AGBL4: variants seen among roughly 807,000 people sequenced by gnomAD.
AGBL4 encodes AGBL carboxypeptidase 4, also known as cytosolic carboxypeptidase 6.
In AGBL4, 58 loss-of-function variants were observed where a neutral mutation model predicts 66.4. That is an observed-to-expected ratio of 0.87 (90% CI 0.71 to 1.09). The LOEUF (loss-of-function observed/expected upper bound fraction) is 1.09. Ranked by LOEUF, AGBL4 falls within the 50% of genes least tolerant of loss-of-function variation. The pLI, the probability that AGBL4 is intolerant of heterozygous loss-of-function variation, is 0.00. For synonymous variants in AGBL4, 234 were observed against 222.9 expected (o/e 1.05, Z -0.44); for missense variants, 579 against 631.0 (o/e 0.92, Z 0.88).
intron 2 of AGBL4, among the ~76,000 whole-genome samples, chr1:49,764,023 G>A (rs1012612260): frequency 1.3e-5 from 2 of 151,996 alleles, no homozygotes; most frequent in Admixed American, 6.6e-5. Context: ...TCACAGTTCT[G>A]TGTTCCTCTG....
At chr1:49,233,587 T>C (rs1041585199) in intron 4 of AGBL4, among the ~76,000 whole-genome samples, 1 of 152,190 alleles carries the variant, frequency 6.6e-6, no homozygotes, top group Non-Finnish European at 1.5e-5. Flanking sequence ...GAATTTGCAA[T>C]TGGAATTTTT....
intron 1 of AGBL4, among the ~76,000 whole-genome samples, chr1:49,921,244 A>T (rs1048182748): frequency 5.9e-5 from 9 of 152,044 alleles, no homozygotes; most frequent in African/African-American, 1.2e-4. Context: ...TATAACTTTT[A>T]AAAAAAAGAA....
At chr1:49,440,565 A>C (rs577257787) in intron 3 of AGBL4, among the ~76,000 whole-genome samples, 1 of 152,302 alleles carries the variant, frequency 6.6e-6, no homozygotes, top group African/African-American at 2.4e-5. Flanking sequence ...GTTGCTCCTA[A>C]GTTCAGTGGA....
chr1:49,671,053 G>A (rs1452578901), intron 3 of AGBL4, among the ~76,000 whole-genome samples: 1 of 152,130 alleles, frequency 6.6e-6, no homozygotes, highest in Non-Finnish European at 1.5e-5. Flanking sequence ...AAAGAACAAA[G>A]CTGGAGGAAT....
chr1:48,852,283 C>G (rs1647053314), intron 6 of AGBL4, among the ~76,000 whole-genome samples: 1 of 151,968 alleles, frequency 6.6e-6, no homozygotes, highest in African/African-American at 2.4e-5. Flanking sequence ...ATTCTTTTGT[C>G]CCAGTAGTAT....
At chr1:49,749,842 T>C (rs1342210571) in intron 2 of AGBL4, among the ~76,000 whole-genome samples, 2 of 152,150 alleles carry the variant, frequency 1.3e-5, no homozygotes, top group Non-Finnish European at 2.9e-5. Context: ...TCGTAGACAT[T>C]GATTATCTCA....
chr1:48,563,400 C>T (rs935902019), intron 11 of AGBL4, among the ~76,000 whole-genome samples: 8 of 152,122 alleles, frequency 5.3e-5, no homozygotes, highest in Non-Finnish European at 1.0e-4. Flanking sequence ...GGCCTCATCC[C>T]TGAGTCATTT....
At chr1:49,565,080 T>C (rs191869433) in intron 3 of AGBL4, among the ~76,000 whole-genome samples, 1 of 152,354 alleles carries the variant, frequency 6.6e-6, no homozygotes, top group East Asian at 1.9e-4. Flanking sequence ...TTGTCTCTTT[T>C]GATCTTTGTT....
chr1:49,470,256 T>C (rs928359222), intron 3 of AGBL4, among the ~76,000 whole-genome samples: 3 of 151,988 alleles, frequency 2.0e-5, no homozygotes, highest in Admixed American at 6.6e-5. Flanking sequence ...ATGTATACTA[T>C]AGATTTCTTG....
rs1443523845 is a variant in AGBL4 at position 49,961,102 on chromosome 1, TAGAA to T, written c.34+62657_34+62660del. On this transcript the variant is annotated intron_variant, in intron 1 of 13. Coordinates refer to ENST00000371839, the MANE Select transcript of AGBL4 (RefSeq NM_032785.4). The stretch of plus-strand genomic sequence containing the variant: ...CATCACCAAAGAGTTTTAGAGGCCA[TAGAA>T]AGATATAATTAGATATGCATATTGG... Among the ~76,000 whole-genome samples, 7 of 152,096 alleles carry T rather than the reference TAGAA, an allele frequency of 4.6e-5. No individual in the cohort carries two copies. The East Asian group carries it at 1.3e-3, about 29-fold the overall frequency.
intron 6 of AGBL4, among the ~76,000 whole-genome samples, chr1:48,771,166 T>C (rs1170537996): frequency 1.3e-5 from 2 of 152,190 alleles, no homozygotes. Flanking sequence ...TCAATACTTG[T>C]GGAACTTAAA....
chr1:49,835,340 T>C (rs182532705), intron 2 of AGBL4, among the ~76,000 whole-genome samples: 11 of 152,346 alleles, frequency 7.2e-5, no homozygotes, highest in Middle Eastern at 3.4e-3. Flanking sequence ...CTTCTTTGTC[T>C]TTTTTGATCT....
intron 2 of AGBL4, among the ~76,000 whole-genome samples, chr1:49,837,950 C>T (rs1645894124): frequency 6.6e-6 from 1 of 152,120 alleles, no homozygotes; most frequent in Admixed American, 6.6e-5. Context: ...AAGATCCAAC[C>T]CCACCATTTA....
chr1:49,367,714 A>G (rs1644266502), intron 3 of AGBL4, among the ~76,000 whole-genome samples: 1 of 152,176 alleles, frequency 6.6e-6, no homozygotes, highest in African/African-American at 2.4e-5. Flanking sequence ...CGGAGGAAGA[A>G]AAAAATGTTT....
At chr1:48,728,945 C>A (rs932450769) in intron 6 of AGBL4, among the ~76,000 whole-genome samples, 23 of 152,312 alleles carry the variant, frequency 1.5e-4, no homozygotes, top group African/African-American at 5.5e-4. Context: ...AGTACGGCCA[C>A]TCTCTTACTG....
At chr1:49,125,482 A>G (rs1335312383) in intron 4 of AGBL4, among the ~76,000 whole-genome samples, 1 of 152,136 alleles carries the variant, frequency 6.6e-6, no homozygotes, top group African/African-American at 2.4e-5. Context: ...TCGCAAGGAG[A>G]ACTAGGGCTG....
chr1:48,872,109 A>G (rs907937987), intron 5 of AGBL4, among the ~76,000 whole-genome samples: 8 of 152,182 alleles, frequency 5.3e-5, no homozygotes, highest in Non-Finnish European at 1.0e-4. Context: ...CTTTGAGTCA[A>G]CTGCAACCAA....
At chr1:49,682,770 G>A (rs1646719687) in intron 3 of AGBL4, among the ~76,000 whole-genome samples, 1 of 152,142 alleles carries the variant, frequency 6.6e-6, no homozygotes, top group Non-Finnish European at 1.5e-5. Flanking sequence ...AAGGGTTTCT[G>A]CATTTTCATT....
chr1:49,666,991 T>C (rs1646384310), intron 3 of AGBL4, among the ~76,000 whole-genome samples: 1 of 152,140 alleles, frequency 6.6e-6, no homozygotes, highest in Non-Finnish European at 1.5e-5. Flanking sequence ...CCTGGATTAT[T>C]GACCTCTGCC....
Sources: allele counts gnomAD v4.1 joint callset (sites outside exome capture counted in the v4.1 genomes callset), GRCh38; gene constraint gnomAD v4.1.1; transcripts MANE v1.5; gene names NCBI Gene and HGNC (gene_info 2026-07-23, HGNC 2026-07-21).